The following AHNAK2 variants were observed in gnomAD, a reference collection of about 807,000 sequenced individuals.
The protein encoded by AHNAK2 is protein AHNAK2.
AHNAK2 carries 18 observed loss-of-function variants against 30.7 expected under a neutral mutation model. The observed-to-expected ratio is 0.59, with a 90% confidence interval of 0.41 to 0.87. The LOEUF (loss-of-function observed/expected upper bound fraction) is 0.87. Among genes scored for constraint, AHNAK2 ranks in the 40% least tolerant of loss-of-function variants. The pLI is 0.00. For synonymous variants in AHNAK2, 3,590 were observed against 3,073.8 expected (o/e 1.17, Z -5.56); for missense variants, 8,604 against 7,373.0 (o/e 1.17, Z -6.11).
rs1897851177 is a variant in AHNAK2 at position 104,937,861 on chromosome 14, A to C, written c.*202T>G. Reference sequence around the variant, plus strand: ...TGCCTTCTTTGCATCCAAAGCTTTGAGGGAGCTGGGAAGCTTTGGTTCCAT... The same window carrying C: ...TGCCTTCTTTGCATCCAAAGCTTTGCGGGAGCTGGGAAGCTTTGGTTCCAT... On this transcript the variant is annotated 3_prime_UTR_variant, in exon 7 of 7. Transcript: ENST00000333244. 3 of 540,644 alleles carry C rather than the reference A, an allele frequency of 5.5e-6. No homozygotes were observed. In the East Asian group the frequency reaches 9.2e-5, roughly 17 times the overall value. The allele number at this position is 540,644 out of a possible 1,614,324, so 33.5% of individuals were successfully genotyped here. A position where few individuals can be genotyped will look rare whatever the true frequency, so the allele number is the denominator to read the frequency against.
At chr14:104,973,669 G>A (rs8023038) in intron 1 of AHNAK2, among the ~76,000 whole-genome samples, 68,835 of 152,080 alleles carry the variant, frequency 0.45, 19,464 homozygotes, top group Non-Finnish European at 0.63. Flanking sequence ...CCTCAGCAGC[G>A]TCCAGGCAGG....
rs755580139 is a variant in AHNAK2 at position 104,948,983 on chromosome 14, G to C, written c.6468C>G (p.Pro2156=). ...LTTKDSKFKM[P]KFKMPSFGVS... is the part of the protein sequence containing the mutation. The stretch of plus-strand genomic sequence containing the variant: ...CCCCAAACGACGGCATCTTGAACTT[G>C]GGCATTTTGAACTTGCTGTCTTTGG... The change falls in exon 7 of 7, where the codon CCC becomes CCG. Residue 2156 remains proline (P), a synonymous_variant. Coordinates refer to ENST00000333244, the MANE Select transcript of AHNAK2 (RefSeq NM_138420.4). 4 of 1,245,320 alleles carry C rather than the reference G, an allele frequency of 3.2e-6. 1 individual carries two copies. The South Asian group carries it at 4.2e-5, about 13-fold the overall frequency. 77.1% of individuals were successfully genotyped at this position (1,245,320 alleles called of 1,614,324 possible).
chr14:104,962,345 G>A lies in AHNAK2; in HGVS notation c.56-4673C>T, dbSNP rs149016864. The stretch of plus-strand genomic sequence containing the variant: ...ACCCCCAGTGGAATCAAGACAGTGC[G>A]GCAGAAACACAAATCAGTGAACAGA... On this transcript the variant is annotated intron_variant, in intron 1 of 6. Transcript: ENST00000333244. Among the ~76,000 whole-genome samples, 75 of 152,242 alleles carry A rather than the reference G, an allele frequency of 4.9e-4. 1 individual carries two copies. Among genetic ancestry groups the A allele is most frequent in the African/African-American group, 1.7e-3 (71 of 41,538 alleles).
rs144219032 is a variant in AHNAK2 at position 104,948,844 on chromosome 14, T to C, written c.6607A>G (p.Ile2203Val). Residue 2203 changes from isoleucine to valine, a missense_variant, in exon 7 of 7, where the codon ATT (isoleucine) becomes GTT (valine). Transcript: ENST00000333244. Reference sequence around the variant, plus strand: ...TTCACGTCGGCGGAAAGGGGCTGAATGCTGAGGTCAGTGGTCTTGAGGTCC... The same window carrying C: ...TTCACGTCGGCGGAAAGGGGCTGAACGCTGAGGTCAGTGGTCTTGAGGTCC... ...QGDLKTTDLSIQPLSADVKVQ... is the reference protein window; with the variant it reads ...QGDLKTTDLSVQPLSADVKVQ... The C allele has an allele frequency of 7.7e-4, 1,231 of 1,604,762 alleles. 36 individuals carry two copies. The African/African-American group carries it at 0.015, about 20-fold the overall frequency.
intron 1 of AHNAK2, among the ~76,000 whole-genome samples, chr14:104,968,579 T>G (rs1363658506): frequency 6.6e-6 from 1 of 152,160 alleles, no homozygotes; most frequent in Non-Finnish European, 1.5e-5. Flanking sequence ...TGGATTTTGC[T>G]TAAACAAAAT....
chr14:104,945,526 T>G lies in AHNAK2; in HGVS notation c.9925A>C (p.Lys3309Gln), dbSNP rs200742411. The G allele has an allele frequency of 6.2e-7, 1 of 1,612,376 alleles. No individual in the cohort carries two copies. The highest frequency in any genetic ancestry group is 1.1e-5 in the South Asian group (1 of 90,966). ...GACGGCATCTTGAATTTGGGCATTT[T>G]GAACTTGCTGTCTTTGGCAGTCACA... ...KDVTAKDSKF[K>Q]MPKFKMPSYR... is the part of the protein sequence containing the mutation. The change falls in exon 7 of 7, where the codon AAA becomes CAA. Residue 3309 changes from lysine (K) to glutamine (Q), a missense_variant. Physicochemically the swap from Lys to Gln is moderately conservative, Grantham distance 53 (BLOSUM62 1). Coordinates refer to ENST00000333244, the MANE Select transcript of AHNAK2 (RefSeq NM_138420.4).
rs751886066 is a variant in AHNAK2 at position 104,957,668 on chromosome 14, G to A, written c.60C>T (p.Ser20=). 18 of 1,609,824 alleles carry A rather than the reference G, an allele frequency of 1.1e-5. No individual in the cohort carries two copies. The highest frequency in any genetic ancestry group is 2.7e-5 in the African/African-American group (2 of 74,862). Residue 20 remains serine (S), a synonymous_variant, in exon 2 of 7, where the codon TCC becomes TCT. Coordinates refer to ENST00000333244, the MANE Select transcript of AHNAK2 (RefSeq NM_138420.4). The part of the protein sequence containing the change: ...PTWPGTPGSV[S]GRQLQPGEPG... ...GCTCCCCGGGCTGCAGCTGACGGCC[G>A]GACACTGCAGAGAGAGTGGCTGTCA...
Position 104,939,702 on chromosome 14 carries a change from A to G in AHNAK2, c.15749T>C (p.Leu5250Pro). ...SNVEAAMSLQ[L>P]PEADAEVTAS... is the part of the protein sequence containing the mutation. ...TGTCACTTCTGCATCTGCCTCTGGG[A>G]GCTGTAGGGACATAGCTGCCTCCAC... The change falls in exon 7 of 7, where the codon CTC (leucine) becomes CCC (proline). Residue 5250 changes from leucine to proline, a missense_variant. Coordinates refer to ENST00000333244, the MANE Select transcript of AHNAK2 (RefSeq NM_138420.4). 1 of 1,613,878 alleles carries G rather than the reference A, an allele frequency of 6.2e-7. No homozygotes were observed. The highest frequency in any genetic ancestry group is 1.3e-5 in the African/African-American group (1 of 75,050).
At chr14:104,955,436 T>C (rs778959153) in intron 5 of AHNAK2, 47 bp downstream of exon 5, 2 of 1,576,484 alleles carry the variant, frequency 1.3e-6, no homozygotes, top group Non-Finnish European at 1.7e-6. Flanking sequence ...GTCCCTCCCA[T>C]CCTGGTGGGG....
At chr14:104,955,765 A>G (rs2140869767) in intron 4 of AHNAK2, 132 bp from the exon 5 acceptor site, 1 of 1,246,896 alleles carries the variant, frequency 8.0e-7, no homozygotes, top group East Asian at 2.7e-5. Flanking sequence ...CACAGAGCAG[A>G]GTAGGGTACC....
rs200196965 is a variant in AHNAK2 at position 104,948,935 on chromosome 14, G to A, written c.6516C>T (p.Ile2172=). 538 of 1,445,796 alleles carry A rather than the reference G, an allele frequency of 3.7e-4. 10 individuals carry two copies. The East Asian group carries it at 5.0e-3, about 13-fold the overall frequency. 89.6% of individuals were successfully genotyped at this position (1,445,796 alleles called of 1,614,324 possible). The change falls in exon 7 of 7, where the codon ATC becomes ATT. Residue 2172 remains isoleucine, a synonymous_variant. Transcript: ENST00000333244. ...SFGVSAPGKS[I]EASVDVSPPK... is the part of the protein sequence containing the mutation. ...GTGGAGACACATCCACCGAGGCCTC[G>A]ATGGACTTGCCTGGGGCAGACACCC...
At chr14:104,974,323 C>T (rs1899546154) in intron 1 of AHNAK2, among the ~76,000 whole-genome samples, 1 of 152,242 alleles carries the variant, frequency 6.6e-6, no homozygotes, top group Admixed American at 6.5e-5. Context: ...TTCCTTCCCA[C>T]CAAAACTGCC....
rs755193540 is a variant in AHNAK2, at chr14:104,939,044, A to G, written c.16407T>C (p.Gly5469=). 57 of 1,607,368 alleles carry G rather than the reference A, an allele frequency of 3.5e-5. No homozygotes were observed. Among genetic ancestry groups the G allele is most frequent in the Non-Finnish European group, 4.6e-5 (54 of 1,176,918 alleles). The change falls in exon 7 of 7, where the codon GGT becomes GGC. Residue 5469 remains glycine, a synonymous_variant. Transcript: ENST00000333244. ...TGACCTCTTGACTTTCAACCTGAGC[A>G]CCCTGAATATGCACTCTGACCTTTG... ...PISKVRVHIQ[G]AQVESQEVTI... is the part of the protein sequence containing the mutation.
chr14:104,947,324 A>T lies in AHNAK2; in HGVS notation c.8127T>A (p.Ala2709=), dbSNP rs763937326. ...CTGGGAGTTTCACATCCACCTGGCC[A>T]GCCTGGACCTCCAGTTGGGCAGAGG... is the stretch of plus-strand genomic sequence containing the variant. The part of the protein sequence containing the change: ...QPPSAQLEVQ[A]GQVDVKLPEG... Residue 2709 remains alanine, a synonymous_variant, in exon 7 of 7, where the codon GCT becomes GCA. Coordinates refer to ENST00000333244, the MANE Select transcript of AHNAK2 (RefSeq NM_138420.4). 4 of 1,611,964 alleles carry T rather than the reference A, an allele frequency of 2.5e-6. No individual in the cohort carries two copies. The South Asian group carries it at 3.3e-5, about 13-fold the overall frequency.
chr14:104,951,971 G>C lies in AHNAK2; in HGVS notation c.3480C>G (p.Asp1160Glu). Residue 1160 changes from aspartate to glutamate, a missense_variant, in exon 7 of 7, where the codon GAC (aspartate) becomes GAG (glutamate). Transcript: ENST00000333244. ...SLADKDVTAK[D>E]SRFKMPKFKM... ...TGAACTTGGGCATTTTGAACCTGCT[G>C]TCTTTGGCAGTCACATCCTTGTCGG... is the stretch of plus-strand genomic sequence containing the variant. The C allele has an allele frequency of 1.2e-6, 2 of 1,612,226 alleles. No homozygotes were observed.
At chr14:104,972,233 G>A (rs1043707459) in intron 1 of AHNAK2, among the ~76,000 whole-genome samples, 1 of 150,394 alleles carries the variant, frequency 6.6e-6, no homozygotes, top group Non-Finnish European at 1.5e-5. Flanking sequence ...TAAAAAGGCT[G>A]ACACAAAAAC....
At position 104,943,849 on chromosome 14, in the gene AHNAK2, C is replaced by T. The variant is rs769278278; in HGVS notation, c.11602G>A (p.Asp3868Asn). ...ACGTGGCCCTCCAGGAGTTTCATGT[C>T]CACCTGGCGAGCTTGGACCGTCAGG... is the stretch of plus-strand genomic sequence containing the variant. ...ADLTVQARQVDMKLLEGHVPE... is the reference protein window; with the variant it reads ...ADLTVQARQVNMKLLEGHVPE... The change falls in exon 7 of 7, where the codon GAC becomes AAC. Residue 3868 changes from aspartate to asparagine, a missense_variant. Asp to Asn is a conservative substitution (Grantham distance 23). Coordinates refer to ENST00000333244, the MANE Select transcript of AHNAK2 (RefSeq NM_138420.4). The T allele has an allele frequency of 1.7e-5, 28 of 1,612,886 alleles. No individual in the cohort carries two copies. Among genetic ancestry groups the T allele is most frequent in the Non-Finnish European group, 2.4e-5 (28 of 1,179,576 alleles).
intron 1 of AHNAK2, among the ~76,000 whole-genome samples, chr14:104,959,592 G>A (rs1899079395): frequency 6.6e-6 from 1 of 152,138 alleles, no homozygotes; most frequent in Admixed American, 6.5e-5. Flanking sequence ...AGCTGTGATT[G>A]CACCACTTCA....
Position 104,966,065 on chromosome 14 carries a change from C to T in AHNAK2, c.56-8393G>A, listed in dbSNP as rs57804458. 0.024 allele frequency among the ~76,000 whole-genome samples: 3,718 copies of T among 152,328 alleles called. 56 individuals are homozygous for T. Among genetic ancestry groups the T allele is most frequent in the Middle Eastern group, 0.082 (24 of 294 alleles). On this transcript the variant is annotated intron_variant, in intron 1 of 6. Coordinates refer to ENST00000333244, the MANE Select transcript of AHNAK2 (RefSeq NM_138420.4). The surrounding 1 kb of genome is among the most constrained non-coding windows in gnomAD (Gnocchi z 4.3). ...CCCTTCTGCAAGATGGCTCACAGCC[C>T]AGGTCCCCTCTGGCTCTGCTCTCAG...
Sources: gnomAD v4.1 joint callset for allele counts (sites outside exome capture counted in the v4.1 genomes callset) on GRCh38, gnomAD v4.1.1 for gene constraint, Gnocchi (gnomAD v3.1) non-coding constraint, MANE v1.5 for transcripts, NCBI Gene and HGNC (gene_info 2026-07-23, HGNC 2026-07-21) for gene names.